The following C22orf23 variants were observed in gnomAD, a reference collection of about 807,000 sequenced individuals.
The protein encoded by C22orf23 is UPF0193 protein EVG1.
In C22orf23, 30 loss-of-function variants were observed where a neutral mutation model predicts 29.7. That is an observed-to-expected ratio of 1.01 (90% CI 0.76 to 1.37). The LOEUF (loss-of-function observed/expected upper bound fraction) is 1.37, where lower values mean the gene tolerates loss of function less well. Ranked by LOEUF, C22orf23 falls within the 40% of genes most tolerant of loss-of-function variation. The pLI, the probability that C22orf23 is intolerant of heterozygous loss-of-function variation, is 0.00. For synonymous variants in C22orf23, 90 were observed against 96.1 expected (o/e 0.94, Z 0.37); for missense variants, 237 against 273.1 (o/e 0.87, Z 0.93).
chr22:37,947,503 T>A, intron 3 of C22orf23, 40 bp from the exon 4 acceptor site: 4 of 7,820 alleles, frequency 5.1e-4, no homozygotes, highest in Non-Finnish European at 1.7e-3. Context: ...CCCACATGGC[T>A]TTTTTTTTTT....
rs1930539019 is a variant in C22orf23 at position 37,943,969 on chromosome 22, GC to G, written c.*205del. 4.9e-6 allele frequency: 3 copies of G among 614,110 alleles called. No individual in the cohort carries two copies. Among genetic ancestry groups the G allele is most frequent in the Non-Finnish European group, 8.7e-6 (3 of 343,068 alleles). The allele number at this position is 614,110 out of a possible 1,614,324, so 38.0% of individuals were successfully genotyped here. A position where few individuals can be genotyped will look rare whatever the true frequency, so the allele number is the denominator to read the frequency against. ...CGGGCTTTGCTTCTCTGCGGACGGG[GC>G]TGTGAGTCTCAGAGGCTCCATCTGC... is the stretch of plus-strand genomic sequence containing the variant. On this transcript the variant is annotated 3_prime_UTR_variant, in exon 7 of 7. Coordinates refer to ENST00000403305, the MANE Select transcript of C22orf23 (RefSeq NM_032561.5).
intron 5 of C22orf23, 68 bp downstream of exon 5, chr22:37,944,974 C>T (rs1601846134): frequency 1.3e-6 from 2 of 1,498,152 alleles, no homozygotes; most frequent in East Asian, 4.7e-5. Flanking sequence ...CTGACTGCTC[C>T]ATCCAATTCT....
intron 6 of C22orf23, 77 bp from the exon 7 acceptor site, chr22:37,944,323 TG>T: frequency 1.2e-6 from 2 of 1,613,536 alleles, no homozygotes; most frequent in African/African-American, 1.3e-5. Flanking sequence ...AGCTAGAGCC[TG>T]ACCCCTGAAC....
Position 37,953,101 on chromosome 22 carries a change from G to A in C22orf23, c.49C>T (p.Arg17Trp), listed in dbSNP as rs761384402. The A allele has an allele frequency of 1.2e-6, 2 of 1,613,858 alleles. No homozygotes were observed. Among genetic ancestry groups the A allele is most frequent in the Admixed American group, 3.3e-5 (2 of 59,994 alleles). Residue 17 changes from arginine (R) to tryptophan (W), a missense_variant, in exon 2 of 7, where the codon CGG becomes TGG. Transcript: ENST00000403305. ...TAAGTGATGGTCTTGGGGCGGCGCC[G>A]GAACCCAGTTCCTTTGGTCACTACC... The part of the protein sequence containing the change: ...MEVVTKGTGF[R>W]RRPKTITYTP...
chr22:37,950,457 T>C (rs1930947671), intron 3 of C22orf23, among the ~76,000 whole-genome samples: 1 of 152,064 alleles, frequency 6.6e-6, no homozygotes, highest in South Asian at 2.1e-4. Context: ...TTTAATTATT[T>C]TGAGATTAGG....
intron 3 of C22orf23, among the ~76,000 whole-genome samples, chr22:37,948,837 A>G (rs1430233300): frequency 6.6e-6 from 1 of 152,196 alleles, no homozygotes; most frequent in Non-Finnish European, 1.5e-5. Context: ...TATTAAAATA[A>G]CAGACTCTTT....
Position 37,951,454 on chromosome 22 carries a change from CCTTA to C in C22orf23, c.166+2_166+5del, listed in dbSNP as rs1569158074. The C allele has an allele frequency of 1.2e-6, 2 of 1,613,404 alleles. No individual in the cohort carries two copies. Among genetic ancestry groups the C allele is most frequent in the Admixed American group, 1.7e-5 (1 of 59,964 alleles). On this transcript the variant is annotated splice_donor_variant and splice_donor_5th_base_variant and intron_variant, in intron 3 of 6. Coordinates refer to ENST00000403305, the MANE Select transcript of C22orf23 (RefSeq NM_032561.5). LOFTEE classifies it high-confidence loss of function. Reference sequence around the variant, plus strand: ...GTCCAGGAAGCCTCTGTGGACTGCCCCTTACTTTTCATGATGTCCATGATGTGGC... The same window carrying C: ...GTCCAGGAAGCCTCTGTGGACTGCCCCTTTTCATGATGTCCATGATGTGGC...
chr22:37,944,100 A>C lies in C22orf23; in HGVS notation c.*75T>G. ...AAGGCTGGTAGGATGGGCTGGCCTG[A>C]GGATGGCCCTGCCTGGCAGAGGAGT... On this transcript the variant is annotated 3_prime_UTR_variant, in exon 7 of 7. Coordinates refer to ENST00000403305, the MANE Select transcript of C22orf23 (RefSeq NM_032561.5). 1 of 1,383,412 alleles carries C rather than the reference A, an allele frequency of 7.2e-7. No homozygotes were observed. The highest frequency in any genetic ancestry group is 1.0e-6 in the Non-Finnish European group (1 of 969,602). 85.7% of individuals were successfully genotyped at this position (1,383,412 alleles called of 1,614,324 possible).
Position 37,944,243 on chromosome 22 carries a change from G to A in C22orf23, c.586C>T (p.Leu196Phe), listed in dbSNP as rs1476787933. The A allele has an allele frequency of 6.2e-7, 1 of 1,614,110 alleles. No individual in the cohort carries two copies. Among genetic ancestry groups the A allele is most frequent in the East Asian group, 2.2e-5 (1 of 44,902 alleles). Residue 196 changes from leucine (L) to phenylalanine (F), a missense_variant, in exon 7 of 7, where the codon CTC becomes TTC. Transcript: ENST00000403305. ...GIILAEISQKLREMEDIDHRR... is the reference protein window; with the variant it reads ...GIILAEISQKFREMEDIDHRR... ...TGGTCAATGTCTTCCATTTCCCGGA[G>A]TTTCTGCAAAGGGCATCAGGGAAAG...
intron 3 of C22orf23, among the ~76,000 whole-genome samples, chr22:37,949,170 C>T (rs1930868853): frequency 6.6e-6 from 1 of 152,106 alleles, no homozygotes; most frequent in Non-Finnish European, 1.5e-5. Flanking sequence ...CATCCCCCCG[C>T]TTGGCCATCC....
intron 4 of C22orf23, among the ~76,000 whole-genome samples, chr22:37,946,208 G>C (rs1049965130): frequency 9.2e-5 from 14 of 151,574 alleles, no homozygotes; most frequent in Non-Finnish European, 2.9e-5. Context: ...GCAGTGAGCC[G>C]AGATGGTGCC....
rs1930535459 is a variant in C22orf23, at chr22:37,943,904, C to T, written c.*271G>A. ...AGGTCAGAAGTGGTGGGAAGCAGGC[C>T]CAGTGGATACCTTTAGACACATGTC... On this transcript the variant is annotated 3_prime_UTR_variant, in exon 7 of 7. Transcript: ENST00000403305. 1 of 522,922 alleles carries T rather than the reference C, an allele frequency of 1.9e-6. No homozygotes were observed. Among genetic ancestry groups the T allele is most frequent in the African/African-American group, 1.9e-5 (1 of 52,618 alleles). 32.4% of individuals were successfully genotyped at this position (522,922 alleles called of 1,614,324 possible). A position where few individuals can be genotyped will look rare whatever the true frequency, so the allele number is the denominator to read the frequency against.
At chr22:37,945,690 T>A (rs924722605) in intron 4 of C22orf23, among the ~76,000 whole-genome samples, 6 of 145,732 alleles carry the variant, frequency 4.1e-5, no homozygotes, top group Non-Finnish European at 9.0e-5. Flanking sequence ...AGAGATGGAG[T>A]TTTGCCATGT....
At chr22:37,947,137 G>A (rs1930743840) in intron 4 of C22orf23, 144 bp downstream of exon 4, 3 of 802,348 alleles carry the variant, frequency 3.7e-6, no homozygotes, top group East Asian at 2.7e-5. Flanking sequence ...AAGCCAACAT[G>A]TGCTGAGGCT....
rs368212266 is a variant in C22orf23 at position 37,947,472 on chromosome 22, C to G, written c.167-9G>C. The G allele has an allele frequency of 8.1e-6, 11 of 1,354,614 alleles. No individual in the cohort carries two copies. The highest frequency in any genetic ancestry group is 1.1e-5 in the Non-Finnish European group (11 of 1,023,626). The allele number at this position is 1,354,614 out of a possible 1,614,324, so 83.9% of individuals were successfully genotyped here. A position where few individuals can be genotyped will look rare whatever the true frequency, so the allele number is the denominator to read the frequency against. On this transcript the variant is annotated splice_polypyrimidine_tract_variant and intron_variant, in intron 3 of 6. Transcript: ENST00000403305. ...GGGCAAAGCATCTCCTCCTGGGGAACGAAGAGTTGGGGTGGGAGGACCCAC... is the reference window on the plus strand; with the variant it reads ...GGGCAAAGCATCTCCTCCTGGGGAAGGAAGAGTTGGGGTGGGAGGACCCAC...
At chr22:37,947,491 G>C in intron 3 of C22orf23, 28 bp from the exon 4 acceptor site, 1 of 1,376,336 alleles carries the variant, frequency 7.3e-7, no homozygotes, top group Non-Finnish European at 9.7e-7. Flanking sequence ...GGGGTGGGAG[G>C]ACCCACATGG....
intron 3 of C22orf23, among the ~76,000 whole-genome samples, chr22:37,948,318 C>T (rs1416167128): frequency 6.6e-6 from 1 of 151,972 alleles, no homozygotes; most frequent in African/African-American, 2.4e-5. Context: ...GGCATTATGA[C>T]GGGTGCCTGT....
chr22:37,944,169 GAC>G lies in C22orf23; in HGVS notation c.*4_*5del, dbSNP rs977812242. ...TTGGGCTACCCTGCCCGTCTCTGGAGACAGATTAAGTGGTGGCAAGACCCTTC... is the reference window on the plus strand; with the variant it reads ...TTGGGCTACCCTGCCCGTCTCTGGAGAGATTAAGTGGTGGCAAGACCCTTC... On this transcript the variant is annotated 3_prime_UTR_variant, in exon 7 of 7. Transcript: ENST00000403305. 2 of 1,613,494 alleles carry G rather than the reference GAC, an allele frequency of 1.2e-6. No homozygotes were observed. Among genetic ancestry groups the G allele is most frequent in the African/African-American group, 2.7e-5 (2 of 74,922 alleles).
At chr22:37,944,654 A>G (rs1371668738) in intron 5 of C22orf23, 137 bp from the exon 6 acceptor site, 20 of 715,850 alleles carry the variant, frequency 2.8e-5, no homozygotes, top group Non-Finnish European at 4.6e-5. Context: ...TAATCCCAGC[A>G]CTTTGGGAGG....
Sources: allele counts gnomAD v4.1 joint callset (sites outside exome capture counted in the v4.1 genomes callset), GRCh38; gene constraint gnomAD v4.1.1; transcripts MANE v1.5; gene names NCBI Gene and HGNC (gene_info 2026-07-23, HGNC 2026-07-21).